The following PDE1C variants were observed in gnomAD, a reference collection of about 807,000 sequenced individuals.
The protein encoded by PDE1C is dual specificity calcium/calmodulin-dependent 3',5'-cyclic nucleotide phosphodiesterase 1C.
Under a neutral mutation model 93.1 loss-of-function variants are expected in PDE1C, and 62 were observed. That is an observed-to-expected ratio of 0.67 (90% CI 0.54 to 0.82). The LOEUF is 0.82. PDE1C is among the 40% of genes least tolerant of loss of function. PDE1C has a pLI of 0.00. For synonymous variants in PDE1C, 325 were observed against 310.1 expected (o/e 1.05, Z -0.50); for missense variants, 742 against 884.6 (o/e 0.84, Z 2.04).
chr7:31,640,499 T>C, the PDE1C span, among the ~76,000 whole-genome samples: 1 of 152,252 alleles, frequency 6.6e-6, no homozygotes, highest in East Asian at 1.9e-4. Context: ...TCTGCAAGGC[T>C]CAGCCTGGGT....
intron 2 of PDE1C, among the ~76,000 whole-genome samples, chr7:31,967,444 GA>G (rs200700881): frequency 0.071 from 10,853 of 152,188 alleles, 593 homozygotes; most frequent in East Asian, 0.32. Flanking sequence ...TCAATAACAG[GA>G]GCTGAAATTG....
In PDE1C at chr7:31,989,644, T is replaced by C. The variant is rs143662405; in HGVS notation, c.128+61910A>G. ...CAGAAAGAATTCAGTGTCTTCCTTG[T>C]TCTCTTTTCCCTTTTATGAGACCCC... On this transcript the variant is annotated intron_variant, in intron 2 of 17. Coordinates refer to ENST00000396191, the MANE Select transcript of PDE1C (RefSeq NM_001191057.4). Among the ~76,000 whole-genome samples, 224 of 152,314 alleles carry C rather than the reference T, an allele frequency of 1.5e-3. 3 individuals are homozygous for C. The highest frequency in any genetic ancestry group is 5.3e-3 in the Admixed American group (81 of 15,302).
chr7:31,915,339 CTTA>C (rs1801747533), intron 2 of PDE1C, among the ~76,000 whole-genome samples: 1 of 152,164 alleles, frequency 6.6e-6, no homozygotes, highest in Admixed American at 6.5e-5. Context: ...CAAGGCTCAG[CTTA>C]TGCATCACAG....
intron 2 of PDE1C, among the ~76,000 whole-genome samples, chr7:32,010,144 A>T (rs952259566): frequency 6.6e-6 from 1 of 152,222 alleles, no homozygotes; most frequent in Non-Finnish European, 1.5e-5. Flanking sequence ...CAACTGACAA[A>T]CTGATTCTAA....
At chr7:32,204,001 A>G (rs1164159245) in intron 2 of PDE1C, among the ~76,000 whole-genome samples, 1 of 152,226 alleles carries the variant, frequency 6.6e-6, no homozygotes, top group Non-Finnish European at 1.5e-5. Context: ...TGGTGTATCC[A>G]AATTGCCAGC....
chr7:31,685,214 T>C, the PDE1C span, among the ~76,000 whole-genome samples: 5 of 151,840 alleles, frequency 3.3e-5, no homozygotes, highest in African/African-American at 1.2e-4. Context: ...AAATGGAGAA[T>C]AGATTCATGG....
rs143360910 is a variant in PDE1C, at chr7:31,839,395, C to T, written c.981-1424G>A. Among the ~76,000 whole-genome samples the T allele has an allele frequency of 5.5e-4, 78 of 141,266 alleles. 1 individual carries two copies. The East Asian group carries it at 0.013, about 24-fold the overall frequency. 92.7% of individuals were successfully genotyped at this position (141,266 alleles called of 152,430 possible). ...AACACAGATACTAGATATATACACA[C>T]GTGTTTCCATGTATATACATAGACA... On this transcript the variant is annotated intron_variant, in intron 9 of 17. Coordinates refer to ENST00000396191, the MANE Select transcript of PDE1C (RefSeq NM_001191057.4).
At chr7:31,631,686 G>A in the PDE1C span, among the ~76,000 whole-genome samples, 1 of 152,132 alleles carries the variant, frequency 6.6e-6, no homozygotes, top group Non-Finnish European at 1.5e-5. Flanking sequence ...AAAGAAGGGA[G>A]GAAGAAAGGA....
intron 2 of PDE1C, among the ~76,000 whole-genome samples, chr7:32,041,124 C>T (rs1168318543): frequency 1.3e-5 from 2 of 152,094 alleles, no homozygotes; most frequent in Non-Finnish European, 2.9e-5. Context: ...CAAAGTCTTC[C>T]TATGTGCCTC....
intron 9 of PDE1C, among the ~76,000 whole-genome samples, chr7:31,841,351 T>G (rs1791873476): frequency 6.6e-6 from 1 of 151,872 alleles, no homozygotes; most frequent in African/African-American, 2.4e-5. Context: ...CCTTTACAGA[T>G]CCTTAGGATT....
intron 2 of PDE1C, among the ~76,000 whole-genome samples, chr7:32,185,512 A>C (rs991528944): frequency 1.1e-4 from 16 of 152,162 alleles, no homozygotes; most frequent in Admixed American, 9.2e-4. Context: ...CAAAGTAATT[A>C]TTTCACAAAT....
intron 2 of PDE1C, among the ~76,000 whole-genome samples, chr7:31,998,045 A>C (rs1784960791): frequency 6.7e-6 from 1 of 149,798 alleles, no homozygotes; most frequent in Non-Finnish European, 1.5e-5. Context: ...TTTGAGACGG[A>C]GTCTCACTCT....
chr7:32,180,180 G>A (rs1290106386), intron 2 of PDE1C, among the ~76,000 whole-genome samples: 2 of 152,104 alleles, frequency 1.3e-5, no homozygotes, highest in Non-Finnish European at 2.9e-5. Context: ...ATACTGTTTT[G>A]TTATTTTCAA....
At chr7:32,329,050 G>A (rs888806254) in intron 1 of PDE1C, among the ~76,000 whole-genome samples, 1 of 152,038 alleles carries the variant, frequency 6.6e-6, no homozygotes, top group Admixed American at 6.6e-5. Flanking sequence ...TGGGCAACAC[G>A]GCAAAACCTT....
the PDE1C span, among the ~76,000 whole-genome samples, chr7:31,619,719 C>G: frequency 6.6e-6 from 1 of 152,056 alleles, no homozygotes. Context: ...TCTGAGGTAC[C>G]AGTTCCATCT....
chr7:32,204,060 G>A (rs1471173991), intron 2 of PDE1C, among the ~76,000 whole-genome samples: 3 of 152,064 alleles, frequency 2.0e-5, no homozygotes, highest in African/African-American at 7.2e-5. Flanking sequence ...ATTGCACTTA[G>A]GCAATTACTA....
At chr7:32,057,234 C>G (rs1794235925) in intron 1 of PDE1C, among the ~76,000 whole-genome samples, 1 of 152,202 alleles carries the variant, frequency 6.6e-6, no homozygotes, top group South Asian at 2.1e-4. Flanking sequence ...AGTTGTAACT[C>G]AATGCGGAGA....
chr7:32,018,385 C>G (rs1443307031), intron 2 of PDE1C, among the ~76,000 whole-genome samples: 2 of 152,102 alleles, frequency 1.3e-5, no homozygotes, highest in East Asian at 3.9e-4. Context: ...TTCACAGCAA[C>G]ATTATTCATA....
At chr7:32,297,980 TC>T (rs1209924603) in intron 1 of PDE1C, among the ~76,000 whole-genome samples, 7 of 74,954 alleles carry the variant, frequency 9.3e-5, no homozygotes, top group East Asian at 1.4e-3. Flanking sequence ...TCTCTCTCTC[TC>T]TCTCTCTCTC....
Sources: gnomAD v4.1 joint callset for allele counts (sites outside exome capture counted in the v4.1 genomes callset) on GRCh38, gnomAD v4.1.1 for gene constraint, MANE v1.5 for transcripts, NCBI Gene and HGNC (gene_info 2026-07-23, HGNC 2026-07-21) for gene names.